The following PSD3 variants were observed in gnomAD, a reference collection of about 807,000 sequenced individuals.
PSD3 encodes pleckstrin and Sec7 domain containing 3.
Under a neutral mutation model 105.5 loss-of-function variants are expected in PSD3, and 49 were observed. That is an observed-to-expected ratio of 0.46 (90% CI 0.37 to 0.59). The LOEUF is 0.59. Ranked by LOEUF, PSD3 falls within the 20% of genes least tolerant of loss-of-function variation. PSD3 has a pLI of 0.00. For synonymous variants in PSD3, 557 were observed against 457.8 expected (o/e 1.22, Z -2.77); for missense variants, 1,561 against 1,263.8 (o/e 1.24, Z -3.57).
chr8:19,073,761 T>G (rs58465755), intron 1 of PSD3, among the ~76,000 whole-genome samples: 1 of 151,362 alleles, frequency 6.6e-6, no homozygotes, highest in African/African-American at 2.4e-5. Flanking sequence ...TGCTCTGATT[T>G]GCTATTCAAA....
chr8:18,832,527 A>C (rs13256850), intron 4 of PSD3, among the ~76,000 whole-genome samples: 49,550 of 152,008 alleles, frequency 0.33, 8,597 homozygotes, highest in African/African-American at 0.4. Context: ...GTTCACCAAT[A>C]ACATGTCAAG....
chr8:18,873,061 A>G (rs1444372182), intron 2 of PSD3, among the ~76,000 whole-genome samples: 1 of 152,230 alleles, frequency 6.6e-6, no homozygotes, highest in Non-Finnish European at 1.5e-5. Context: ...TACAATAAGG[A>G]TATGTACCAA....
intron 1 of PSD3, among the ~76,000 whole-genome samples, chr8:18,941,122 A>G (rs1822509804): frequency 6.6e-6 from 1 of 152,190 alleles, no homozygotes; most frequent in African/African-American, 2.4e-5. Context: ...TCAGACTACT[A>G]TTTCCTTTGG....
At chr8:18,920,005 A>C (rs1458150903) in intron 2 of PSD3, among the ~76,000 whole-genome samples, 1 of 148,788 alleles carries the variant, frequency 6.7e-6, no homozygotes, top group Non-Finnish European at 1.5e-5. Flanking sequence ...TATAATAAAA[A>C]AATAAATAAA....
chr8:18,789,948 T>G (rs1040251750), intron 8 of PSD3, among the ~76,000 whole-genome samples: 5 of 152,240 alleles, frequency 3.3e-5, no homozygotes, highest in Admixed American at 3.3e-4. Context: ...AATGTGTAAG[T>G]TAGATAATAT....
At position 18,642,388 on chromosome 8, in the gene PSD3, C is replaced by T. The variant is rs187021991; in HGVS notation, c.2217-9582G>A. The stretch of plus-strand genomic sequence containing the variant: ...ACGAGTACATAAATGCTCAATGAAA[C>T]AACTACTGTCTAAAATGCTCCTCAT... On this transcript the variant is annotated intron_variant, in intron 10 of 15. Transcript: ENST00000327040. Among the ~76,000 whole-genome samples the T allele has an allele frequency of 2.6e-5, 4 of 152,200 alleles. No individual in the cohort carries two copies. The East Asian group carries it at 5.8e-4, about 22-fold the overall frequency.
intron 11 of PSD3, among the ~76,000 whole-genome samples, chr8:18,608,587 G>C (rs1439702980): frequency 6.6e-6 from 1 of 152,080 alleles, no homozygotes; most frequent in Non-Finnish European, 1.5e-5. Flanking sequence ...AACATATTTG[G>C]AAATATAAAG....
chr8:18,633,280 A>G (rs1807029466), intron 10 of PSD3, among the ~76,000 whole-genome samples: 1 of 152,084 alleles, frequency 6.6e-6, no homozygotes, highest in Non-Finnish European at 1.5e-5. Flanking sequence ...AGTCAGTCCA[A>G]TGGACAATAG....
intron 12 of PSD3, among the ~76,000 whole-genome samples, chr8:18,591,964 C>T (rs182017471): frequency 4.7e-4 from 72 of 152,252 alleles, no homozygotes; most frequent in Non-Finnish European, 7.8e-4. Flanking sequence ...GCAAGCCAGT[C>T]TCTATACTGG....
intron 12 of PSD3, among the ~76,000 whole-genome samples, chr8:18,599,770 T>G (rs1804298387): frequency 6.6e-6 from 1 of 152,190 alleles, no homozygotes. Context: ...CAGGGCTGAC[T>G]GCAGGACTTG....
chr8:18,681,260 G>A (rs894025361), intron 9 of PSD3, among the ~76,000 whole-genome samples: 2 of 152,014 alleles, frequency 1.3e-5, no homozygotes, highest in Non-Finnish European at 2.9e-5. Flanking sequence ...TAGACATCCT[G>A]CATTTTGGAT....
chr8:18,818,411 C>T (rs115179481), intron 4 of PSD3, among the ~76,000 whole-genome samples: 1,955 of 151,886 alleles, frequency 0.013, 49 homozygotes, highest in African/African-American at 0.045. Flanking sequence ...TTCACACTAG[C>T]GCCTCCTAGA....
intron 11 of PSD3, among the ~76,000 whole-genome samples, chr8:18,603,863 G>A (rs1158019722): frequency 6.6e-6 from 1 of 152,184 alleles, no homozygotes; most frequent in African/African-American, 2.4e-5. Flanking sequence ...AGCTATGACT[G>A]TAAGTTTCCT....
At chr8:18,828,046 T>G (rs898356654) in intron 4 of PSD3, among the ~76,000 whole-genome samples, 1 of 115,178 alleles carries the variant, frequency 8.7e-6, no homozygotes, top group African/African-American at 3.9e-5. Flanking sequence ...AATATATATA[T>G]GTATATATAT....
At chr8:18,561,218 G>A (rs961214116) in intron 14 of PSD3, among the ~76,000 whole-genome samples, 1 of 152,196 alleles carries the variant, frequency 6.6e-6, no homozygotes, top group Non-Finnish European at 1.5e-5. Flanking sequence ...CTAAGATCTA[G>A]AAGAGATCTA....
At chr8:18,621,848 T>G (rs1806135344) in intron 11 of PSD3, among the ~76,000 whole-genome samples, 1 of 152,214 alleles carries the variant, frequency 6.6e-6, no homozygotes, top group Non-Finnish European at 1.5e-5. Flanking sequence ...AAAATTCCAC[T>G]TTTATTATCT....
intron 8 of PSD3, among the ~76,000 whole-genome samples, chr8:18,775,870 C>G (rs879279223): frequency 6.6e-6 from 1 of 152,124 alleles, no homozygotes; most frequent in Non-Finnish European, 1.5e-5. Flanking sequence ...ATTTGTTGCT[C>G]ATAATTTAGA....
chr8:19,063,119 A>T lies in PSD3; in HGVS notation c.324+21087T>A, dbSNP rs148717124. ...GTTATTTCAAATTTGCTAAAATCAG[A>T]GTTGAGAGTTCCATTGAGTCTGTAA... is the stretch of plus-strand genomic sequence containing the variant. On this transcript the variant is annotated intron_variant, in intron 1 of 1. Coordinates refer to the PSD3 transcript ENST00000521475. Among the ~76,000 whole-genome samples the T allele has an allele frequency of 2.6e-5, 4 of 152,354 alleles. No individual in the cohort carries two copies. In the East Asian group the frequency reaches 7.7e-4, roughly 29 times the overall value.
intron 2 of PSD3, among the ~76,000 whole-genome samples, chr8:18,898,726 G>A (rs1563397848): frequency 6.6e-6 from 1 of 151,980 alleles, no homozygotes; most frequent in Admixed American, 6.6e-5. Flanking sequence ...AAATGATGAA[G>A]AAGAGAAAAT....
Sources: allele counts gnomAD v4.1 joint callset (sites outside exome capture counted in the v4.1 genomes callset), GRCh38; gene constraint gnomAD v4.1.1; transcripts MANE v1.5; gene names NCBI Gene and HGNC (gene_info 2026-07-23, HGNC 2026-07-21).